Variants in DLGAP3 observed in about 807,000 individuals in gnomAD.
The protein encoded by DLGAP3 is disks large-associated protein 3.
Under a neutral mutation model 81.2 loss-of-function variants are expected in DLGAP3, and 17 were observed. That is an observed-to-expected ratio of 0.21 (90% CI 0.14 to 0.31). DLGAP3 has a LOEUF of 0.31. Ranked by LOEUF, DLGAP3 falls within the 10% of genes least tolerant of loss-of-function variation. The pLI, the probability that DLGAP3 is intolerant of heterozygous loss-of-function variation, is 1.00. For missense variants in DLGAP3, 1,124 were observed against 1,388.0 expected (o/e 0.81, Z 3.02); for synonymous variants, 577 against 587.4 (o/e 0.98, Z 0.26).
In DLGAP3 at chr1:34,868,786, G is replaced by A. The variant is rs541046831; in HGVS notation, c.2304C>T (p.Ala768=). ...PAPAPTPGPG[A]GRRDSWIERG... ...GCTCTATCCAGGAGTCACGGCGGCC[G>A]GCCCCAGGGCCGGGGGTGGGGGCGG... Residue 768 remains alanine (A), a synonymous_variant, in exon 9 of 12, where the codon GCC becomes GCT. Transcript: ENST00000373347. The surrounding 1 kb of genome is among the most constrained non-coding windows in gnomAD (Gnocchi z 7.5). The A allele has an allele frequency of 1.4e-4, 215 of 1,585,058 alleles. 2 individuals are homozygous for A. In the East Asian group the frequency reaches 3.5e-3, roughly 26 times the overall value.
chr1:34,928,646 G>A (rs1168682283), intron 1 of DLGAP3, among the ~76,000 whole-genome samples: 2 of 152,050 alleles, frequency 1.3e-5, no homozygotes, highest in African/African-American at 4.8e-5. Flanking sequence ...ACAGTGGGGG[G>A]GACAGAGCCC....
At position 34,900,300 on chromosome 1, in the gene DLGAP3, C is replaced by T. The variant is rs759645991; in HGVS notation, c.1108-27G>A. 167 of 1,601,526 alleles carry T rather than the reference C, an allele frequency of 1.0e-4. No homozygotes were observed. Among genetic ancestry groups the T allele is most frequent in the Non-Finnish European group, 1.4e-4 (164 of 1,169,814 alleles). On this transcript the variant is annotated intron_variant, in intron 3 of 11. Transcript: ENST00000373347. The surrounding 1 kb of genome is among the most constrained non-coding windows in gnomAD (Gnocchi z 5.6). ...TGCAGGAACAGGGGTCTCTGTCTCTCAGACATGACCCTAGTAAATCTAGAG... is the reference window on the plus strand; with the variant it reads ...TGCAGGAACAGGGGTCTCTGTCTCTTAGACATGACCCTAGTAAATCTAGAG...
chr1:34,911,985 A>G (rs1639646522), intron 1 of DLGAP3, among the ~76,000 whole-genome samples: 1 of 152,210 alleles, frequency 6.6e-6, no homozygotes, highest in Non-Finnish European at 1.5e-5. Context: ...CTCTGTCATC[A>G]GACTCTGTGG....
At chr1:34,885,161 G>C (rs969409202) in intron 7 of DLGAP3, 98 bp from the exon 8 acceptor site, 20 of 1,186,896 alleles carry the variant, frequency 1.7e-5, no homozygotes, top group Non-Finnish European at 2.3e-5. Flanking sequence ...AAGCCAGCTG[G>C]CAGGTCCTGC....
intron 1 of DLGAP3, among the ~76,000 whole-genome samples, chr1:34,921,305 G>T (rs1209875012): frequency 1.3e-5 from 2 of 152,228 alleles, no homozygotes; most frequent in East Asian, 3.8e-4. Flanking sequence ...GGGCTGGCAA[G>T]GGTGGAAGTG....
chr1:34,901,159 G>A (rs1313931496), intron 3 of DLGAP3, among the ~76,000 whole-genome samples: 1 of 152,130 alleles, frequency 6.6e-6, no homozygotes, highest in Non-Finnish European at 1.5e-5. Flanking sequence ...GGAGATCGGG[G>A]CTGGAGGCGG....
chr1:34,928,682 G>A (rs1639910072), intron 1 of DLGAP3, among the ~76,000 whole-genome samples: 1 of 151,844 alleles, frequency 6.6e-6, no homozygotes, highest in South Asian at 2.1e-4. Context: ...AGAGTGAACC[G>A]CGCTCAGATA....
At chr1:34,874,925 G>A (rs769781899) in intron 8 of DLGAP3, among the ~76,000 whole-genome samples, 19 of 152,096 alleles carry the variant, frequency 1.2e-4, no homozygotes, top group Non-Finnish European at 2.4e-4. Flanking sequence ...AGGCATCTAA[G>A]AGCCTAAACA....
intron 8 of DLGAP3, among the ~76,000 whole-genome samples, chr1:34,876,979 G>A (rs1264957335): frequency 1.3e-5 from 2 of 152,164 alleles, no homozygotes; most frequent in Non-Finnish European, 2.9e-5. Context: ...CACCCTAAAC[G>A]CATAGAAATG....
intron 8 of DLGAP3, among the ~76,000 whole-genome samples, chr1:34,872,135 G>C (rs965747539): frequency 6.6e-6 from 1 of 152,202 alleles, no homozygotes; most frequent in African/African-American, 2.4e-5. Context: ...GCTCATAGAG[G>C]AGACTAAGCC....
At position 34,865,624 on chromosome 1, in the gene DLGAP3, A is replaced by T. The variant is rs1457797227; in HGVS notation, c.*459T>A. On this transcript the variant is annotated 3_prime_UTR_variant, in exon 12 of 12. Transcript: ENST00000373347. Reference sequence around the variant, plus strand: ...CCAGTGGGCAGAGGGCTGAGGATGGAGCCCCTGGGAGGGTGGGGCGGGCTC... The same window carrying T: ...CCAGTGGGCAGAGGGCTGAGGATGGTGCCCCTGGGAGGGTGGGGCGGGCTC... 2 of 259,126 alleles carry T rather than the reference A, an allele frequency of 7.7e-6. No homozygotes were observed. Among genetic ancestry groups the T allele is most frequent in the African/African-American group, 4.8e-5 (2 of 41,384 alleles). The allele number at this position is 259,126 out of a possible 1,614,324, so 16.1% of individuals were successfully genotyped here.
chr1:34,897,578 C>T (rs145582002), intron 5 of DLGAP3, among the ~76,000 whole-genome samples: 2 of 152,240 alleles, frequency 1.3e-5, no homozygotes, highest in East Asian at 3.9e-4. Flanking sequence ...CCAGGTCATG[C>T]AGGCCTCGAA....
Position 34,885,795 on chromosome 1 carries a change from T to C in DLGAP3, c.1601-4A>G. 1.4e-6 allele frequency: 2 copies of C among 1,406,564 alleles called. No homozygotes were observed. Among genetic ancestry groups the C allele is most frequent in the South Asian group, 1.6e-5 (1 of 62,438 alleles). The allele number at this position is 1,406,564 out of a possible 1,614,324, so 87.1% of individuals were successfully genotyped here. A position where few individuals can be genotyped will look rare whatever the true frequency, so the allele number is the denominator to read the frequency against. ...GGGGCCTTTCTGAAGTTGAAGGCTG[T>C]GGCCGGCGAGCGCAGAGACGCAGTG... On this transcript the variant is annotated splice_region_variant and splice_polypyrimidine_tract_variant and intron_variant, in intron 6 of 11. Transcript: ENST00000373347.
rs753076184 is a variant in DLGAP3, at chr1:34,886,214, G to C, written c.1458C>G (p.Ala486=). The C allele has an allele frequency of 1.9e-6, 3 of 1,611,334 alleles. No homozygotes were observed. The highest frequency in any genetic ancestry group is 2.2e-5 in the South Asian group (2 of 90,586). The change falls in exon 6 of 12, where the codon GCC becomes GCG. Residue 486 remains alanine (A), a synonymous_variant. Transcript: ENST00000373347. The part of the protein sequence containing the change: ...GSVFGELESQ[A]VDALDLPGCF... ...AGCCGGGCAGGTCCAGGGCGTCCACGGCCTGGGACTCCAGCTCCCCAAACA... is the reference window on the plus strand; with the variant it reads ...AGCCGGGCAGGTCCAGGGCGTCCACCGCCTGGGACTCCAGCTCCCCAAACA...
intron 1 of DLGAP3, among the ~76,000 whole-genome samples, chr1:34,928,273 T>C (rs144608550): frequency 6.6e-6 from 1 of 152,246 alleles, no homozygotes; most frequent in East Asian, 1.9e-4. Context: ...CTCTGATGAC[T>C]AACAGGGCAG....
intron 3 of DLGAP3, among the ~76,000 whole-genome samples, chr1:34,903,026 G>A (rs187190462): frequency 1.8e-4 from 27 of 152,206 alleles, no homozygotes; most frequent in Admixed American, 1.8e-3. Context: ...TGCTCCCTTG[G>A]GCCTTCATGA....
chr1:34,918,204 T>C, intron 1 of DLGAP3, among the ~76,000 whole-genome samples: 1 of 152,140 alleles, frequency 6.6e-6, no homozygotes, highest in South Asian at 2.1e-4. Context: ...TGAAGCAGCT[T>C]GGGAAGACAG....
Position 34,868,559 on chromosome 1 carries a change from G to A in DLGAP3, c.2485+46C>T, listed in dbSNP as rs780831031. 12 of 1,543,968 alleles carry A rather than the reference G, an allele frequency of 7.8e-6. No homozygotes were observed. The East Asian group carries it at 1.6e-4, about 20-fold the overall frequency. On this transcript the variant is annotated intron_variant, in intron 9 of 11. Coordinates refer to ENST00000373347, the MANE Select transcript of DLGAP3 (RefSeq NM_001080418.3). The surrounding 1 kb of genome is among the most constrained non-coding windows in gnomAD (Gnocchi z 7.5). ...CCATCAGGGTCTCCTGAGCACACAC[G>A]AGGCCATGGTCCCCAGAGTCCCCTT... is the stretch of plus-strand genomic sequence containing the variant.
At chr1:34,898,934 T>C (rs4993835) in intron 5 of DLGAP3, among the ~76,000 whole-genome samples, 38,354 of 151,964 alleles carry the variant, frequency 0.25, 6,695 homozygotes, top group East Asian at 0.91. Context: ...TCCCTAACCA[T>C]TGCCATTTTA....
Sources: allele counts gnomAD v4.1 joint callset (sites outside exome capture counted in the v4.1 genomes callset), GRCh38; gene constraint gnomAD v4.1.1; non-coding constraint Gnocchi (gnomAD v3.1); transcripts MANE v1.5; gene names NCBI Gene and HGNC (gene_info 2026-07-23, HGNC 2026-07-21).